Variants in TNS1 observed in about 807,000 individuals in gnomAD.
The protein encoded by TNS1 is tensin-1.
In TNS1, 62 loss-of-function variants were observed where a neutral mutation model predicts 168.6. The observed-to-expected ratio is 0.37, with a 90% CI of 0.30 to 0.45. TNS1 has a LOEUF of 0.45. TNS1 is among the 20% of genes least tolerant of loss of function. The pLI, the probability that TNS1 is intolerant of heterozygous loss-of-function variation, is 1.00. For missense variants in TNS1, 2,240 were observed against 2,339.4 expected (o/e 0.96, Z 0.88); for synonymous variants, 934 against 933.2 (o/e 1.00, Z -0.02).
chr2:217,907,125 T>TC, intron 5 of TNS1, 85 bp downstream of exon 5: 1 of 687,892 alleles, frequency 1.5e-6, no homozygotes, highest in Non-Finnish European at 2.7e-6. Context: ...CTGTCCACTC[T>TC]CCCCCAAATC....
At chr2:217,836,659 C>T (rs1945216001) in intron 19 of TNS1, among the ~76,000 whole-genome samples, 1 of 152,170 alleles carries the variant, frequency 6.6e-6, no homozygotes, top group African/African-American at 2.4e-5. Context: ...CATCATCTTG[C>T]AAATGGTGCT....
chr2:218,014,710 G>C (rs138959773), upstream of TNS1, among the ~76,000 whole-genome samples: 50 of 152,276 alleles, frequency 3.3e-4, no homozygotes, highest in African/African-American at 1.2e-3. Context: ...ACATTTGCTG[G>C]CTTCTTCCCT....
chr2:217,850,939 C>G (rs1206061243), intron 18 of TNS1, among the ~76,000 whole-genome samples: 1 of 152,214 alleles, frequency 6.6e-6, no homozygotes, highest in Admixed American at 6.5e-5. Flanking sequence ...CACATCCTCT[C>G]TAGCCATCGC....
At chr2:217,926,901 C>G (rs532689747) in intron 3 of TNS1, among the ~76,000 whole-genome samples, 1 of 152,230 alleles carries the variant, frequency 6.6e-6, no homozygotes, top group Non-Finnish European at 1.5e-5. Flanking sequence ...CCACCTGTCA[C>G]GCTGCCTCTA....
intron 18 of TNS1, among the ~76,000 whole-genome samples, chr2:217,878,974 G>C (rs149051485): frequency 7.2e-5 from 11 of 152,008 alleles, no homozygotes; most frequent in African/African-American, 2.7e-4. Flanking sequence ...GGAACCAGCA[G>C]GACCTTTTGG....
chr2:217,953,966 G>A (rs779229170), intron 3 of TNS1, among the ~76,000 whole-genome samples: 4 of 152,232 alleles, frequency 2.6e-5, no homozygotes, highest in Non-Finnish European at 4.4e-5. Context: ...CTTGCAGTCA[G>A]ATCAGGGGAA....
intron 22 of TNS1, among the ~76,000 whole-genome samples, chr2:217,825,416 ACTCGGGGTGCTTTACCATCC>A (rs1256810524): frequency 1.3e-5 from 2 of 152,046 alleles, no homozygotes; most frequent in Admixed American, 6.5e-5. Context: ...GATAGGGAGC[ACTCGGGGTGCTTTACCATCC>A]CTCACTGCTC....
rs191821153 is a variant in TNS1, at chr2:217,936,235, G to C, written c.187-15999C>G. Among the ~76,000 whole-genome samples the C allele has an allele frequency of 3.3e-5, 5 of 152,234 alleles. No individual in the cohort carries two copies. The East Asian group carries it at 5.8e-4, about 18-fold the overall frequency. ...ATTCAACAAACAGTAAGGGGCTACT[G>C]TGTTCCAGGTCAGATGGTAAAGGAG... On this transcript the variant is annotated intron_variant, in intron 3 of 32. Transcript: ENST00000682258.
intron 4 of TNS1, among the ~76,000 whole-genome samples, chr2:217,915,939 C>T (rs561605331): frequency 1.3e-5 from 2 of 152,296 alleles, no homozygotes; most frequent in South Asian, 2.1e-4. Context: ...GTGACAGTGA[C>T]GTCAGTTATT....
intron 18 of TNS1, chr2:217,850,682 C>G: frequency 2.2e-6 from 2 of 902,874 alleles, no homozygotes; most frequent in South Asian, 1.0e-4. Flanking sequence ...GGAAAAAAGC[C>G]AGCTCCCAAA....
chr2:217,934,897 T>G (rs1167571616), intron 3 of TNS1, among the ~76,000 whole-genome samples: 1 of 152,160 alleles, frequency 6.6e-6, no homozygotes, highest in Non-Finnish European at 1.5e-5. Context: ...ATCCATGCAC[T>G]TACAGAATTT....
intron 31 of TNS1, 73 bp from the exon 32 acceptor site, chr2:217,808,180 A>G (rs1939566192): frequency 3.8e-6 from 6 of 1,569,564 alleles, no homozygotes; most frequent in Non-Finnish European, 5.2e-6. Flanking sequence ...CCATGCCCAG[A>G]CCCTCTGCAG....
chr2:217,933,960 C>T (rs549311521), intron 3 of TNS1, among the ~76,000 whole-genome samples: 2 of 152,262 alleles, frequency 1.3e-5, no homozygotes, highest in African/African-American at 2.4e-5. Flanking sequence ...GTTTAGGGCT[C>T]GGGACAACCA....
Position 217,817,937 on chromosome 2 carries a change from A to C in TNS1, c.4395T>G (p.Pro1465=). 6.2e-7 allele frequency: 1 copy of C among 1,612,228 alleles called. No homozygotes were observed. Among genetic ancestry groups the C allele is most frequent in the Non-Finnish European group, 8.5e-7 (1 of 1,179,178 alleles). Residue 1465 remains proline (P), a synonymous_variant, in exon 24 of 33, where the codon CCT becomes CCG. Coordinates refer to ENST00000682258, the MANE Select transcript of TNS1 (RefSeq NM_001387777.1). ...PSFPVSPAYY[P]GLSSPATSPS... is the part of the protein sequence containing the mutation. ...GGGAGGTGGCAGGGCTGCTCAGGCC[A>C]GGGTAGTAGGCAGGGGAGACAGGGA... is the stretch of plus-strand genomic sequence containing the variant.
chr2:218,002,200 C>T (rs1253489724), intron 1 of TNS1, among the ~76,000 whole-genome samples: 2 of 152,186 alleles, frequency 1.3e-5, no homozygotes, highest in Non-Finnish European at 2.9e-5. Flanking sequence ...TGAAACCCAC[C>T]TCCCTGAACC....
In TNS1 at chr2:217,906,380, T is replaced by C. The variant is rs1392409439; in HGVS notation, c.276A>G (p.Glu92=). The change falls in exon 6 of 33, where the codon GAA becomes GAG. Residue 92 remains glutamate (E), a synonymous_variant. Coordinates refer to ENST00000682258, the MANE Select transcript of TNS1 (RefSeq NM_001387777.1). ...GTGTGTTTCCACCCCGGGAGGCTCC[T>C]TCTCCCTGCAGACAGAGAAAAGGCA... ...NAPKNVVDKG[E]GASRGGNTRK... 8.6e-6 allele frequency: 6 copies of C among 695,194 alleles called. No homozygotes were observed. In the African/African-American group the frequency reaches 1.1e-4, roughly 12 times the overall value. The allele number at this position is 695,194 out of a possible 1,614,324, so 43.1% of individuals were successfully genotyped here.
At chr2:217,951,575 T>C (rs1286966597) in intron 3 of TNS1, among the ~76,000 whole-genome samples, 1 of 152,162 alleles carries the variant, frequency 6.6e-6, no homozygotes, top group East Asian at 1.9e-4. Context: ...CCTCAGGGCC[T>C]GGCTGGACCA....
intron 18 of TNS1, among the ~76,000 whole-genome samples, chr2:217,849,370 T>A (rs1947158643): frequency 6.6e-6 from 1 of 152,232 alleles, no homozygotes; most frequent in African/African-American, 2.4e-5. Context: ...CAAGCCTAGC[T>A]CTGGCATTTC....
upstream of TNS1, among the ~76,000 whole-genome samples, chr2:218,013,546 T>C (rs2106003008): frequency 6.6e-6 from 1 of 152,214 alleles, no homozygotes; most frequent in African/African-American, 2.4e-5. Flanking sequence ...CGCATCTCCC[T>C]CCCCAGTGCT....
Sources: allele counts gnomAD v4.1 joint callset (sites outside exome capture counted in the v4.1 genomes callset), GRCh38; gene constraint gnomAD v4.1.1; transcripts MANE v1.5; gene names NCBI Gene and HGNC (gene_info 2026-07-23, HGNC 2026-07-21).